TNRC6C: variants seen among roughly 807,000 people sequenced by gnomAD.
TNRC6C encodes trinucleotide repeat containing adaptor 6C, also known as trinucleotide repeat-containing gene 6C protein.
TNRC6C carries 20 observed loss-of-function variants against 153.7 expected under a neutral mutation model. That is an observed-to-expected ratio of 0.13 (90% CI 0.09 to 0.19). The LOEUF is 0.19. TNRC6C is among the 10% of genes least tolerant of loss of function. The pLI, the probability that TNRC6C is intolerant of heterozygous loss-of-function variation, is 1.00. For synonymous variants in TNRC6C, 811 were observed against 841.4 expected, an observed-to-expected ratio of 0.96 and a Z score of 0.63; for missense variants, 1,987 against 2,172.0, an observed-to-expected ratio of 0.91 and a Z score of 1.69.
chr17:77,964,252 C>T (rs576615526), intron 1 of TNRC6C, among the ~76,000 whole-genome samples: 1 of 152,240 alleles, frequency 6.6e-6, no homozygotes, highest in African/African-American at 2.4e-5. Flanking sequence ...TTCTTCAGAC[C>T]ATTTTAGAAA....
At chr17:78,028,101 T>C (rs1005390139) in intron 1 of TNRC6C, among the ~76,000 whole-genome samples, 2 of 152,064 alleles carry the variant, frequency 1.3e-5, no homozygotes, top group Admixed American at 6.6e-5. Flanking sequence ...GGTTTCACCG[T>C]GTTAGTCAGG....
chr17:77,976,940 A>AC (rs1234254805), intron 1 of TNRC6C, among the ~76,000 whole-genome samples: 19 of 136,046 alleles, frequency 1.4e-4, no homozygotes, highest in African/African-American at 4.8e-4. Context: ...AGAAAAAAAA[A>AC]AAAAAAAAAA....
chr17:78,054,644 G>A (rs2072610615), intron 3 of TNRC6C, among the ~76,000 whole-genome samples: 1 of 151,598 alleles, frequency 6.6e-6, no homozygotes, highest in Non-Finnish European at 1.5e-5. Context: ...GCAGACTACT[G>A]CACACCACTG....
chr17:78,055,068 A>G (rs2144066783), intron 3 of TNRC6C, among the ~76,000 whole-genome samples: 1 of 152,344 alleles, frequency 6.6e-6, no homozygotes, highest in East Asian at 1.9e-4. Context: ...ACCACTGTAG[A>G]CTGCTGTAGA....
intron 3 of TNRC6C, among the ~76,000 whole-genome samples, chr17:78,055,531 T>C (rs142438156): frequency 2.9e-4 from 44 of 152,314 alleles, no homozygotes; most frequent in Middle Eastern, 6.8e-3. Flanking sequence ...GTGATGGGAA[T>C]TTTTCAGCTC....
chr17:78,042,272 GA>G (rs1360354133), intron 2 of TNRC6C, among the ~76,000 whole-genome samples: 1 of 152,020 alleles, frequency 6.6e-6, no homozygotes, highest in Non-Finnish European at 1.5e-5. Flanking sequence ...TTTTTTAGGG[GA>G]AAAATTATTT....
intron 13 of TNRC6C, among the ~76,000 whole-genome samples, chr17:78,090,770 G>A (rs1443393165): frequency 2.6e-5 from 4 of 152,186 alleles, no homozygotes; most frequent in Non-Finnish European, 4.4e-5. Flanking sequence ...CAGCACCCCC[G>A]CTGTCAAATA....
At chr17:77,975,836 C>T (rs2070990231) in intron 1 of TNRC6C, among the ~76,000 whole-genome samples, 2 of 152,148 alleles carry the variant, frequency 1.3e-5, no homozygotes, top group South Asian at 4.1e-4. Flanking sequence ...AGGATACCAT[C>T]TTATAGGAGA....
chr17:78,101,328 G>C (rs12103507), intron 17 of TNRC6C, among the ~76,000 whole-genome samples: 3,315 of 152,254 alleles, frequency 0.022, 121 homozygotes, highest in African/African-American at 0.075. Flanking sequence ...GACCGCTGCA[G>C]CCTGGACTTT....
At chr17:77,987,622 A>C (rs2071188457) in intron 1 of TNRC6C, among the ~76,000 whole-genome samples, 1 of 152,218 alleles carries the variant, frequency 6.6e-6, no homozygotes, top group African/African-American at 2.4e-5. Flanking sequence ...ATTATGGTCC[A>C]TCAACAAAAT....
intron 16 of TNRC6C, 67 bp downstream of exon 18, chr17:78,093,830 G>T: frequency 6.3e-7 from 1 of 1,588,608 alleles, no homozygotes; most frequent in Non-Finnish European, 8.6e-7. Flanking sequence ...GATGTCAGGG[G>T]TGACAGGTTG....
chr17:78,047,299 C>T (rs151052535), intron 2 of TNRC6C, among the ~76,000 whole-genome samples: 248 of 152,076 alleles, frequency 1.6e-3, no homozygotes, highest in African/African-American at 5.7e-3. Context: ...TGTCATAAAC[C>T]AGGGTTATAG....
chr17:78,045,058 A>G (rs1233264657), intron 2 of TNRC6C, among the ~76,000 whole-genome samples: 2 of 152,186 alleles, frequency 1.3e-5, no homozygotes, highest in Non-Finnish European at 2.9e-5. Context: ...AATGATATGA[A>G]TGGCCTCAAA....
intron 2 of TNRC6C, among the ~76,000 whole-genome samples, chr17:78,036,970 A>G (rs1004809266): frequency 3.9e-5 from 6 of 152,018 alleles, no homozygotes; most frequent in African/African-American, 1.4e-4. Context: ...TTAGTCTGAC[A>G]GTTATTTATT....
chr17:78,093,012 C>A (rs1567964084), exon 15 of TNRC6C: 1 of 1,613,876 alleles, frequency 6.2e-7, no homozygotes, highest in Non-Finnish European at 8.5e-7. Context: ...ACGATTTAAT[C>A]CAGAACAGTG....
rs145596887 is a variant in TNRC6C, at chr17:78,009,904, G to C, written c.-546+4825G>C. On this transcript the variant is annotated intron_variant, in intron 1 of 19. Coordinates refer to ENST00000301624, the Ensembl canonical transcript of TNRC6C. ...ATCTGAATTTATACTTTTTTTGAGA[G>C]AGAGGGTCTAACTCTGTTGCCCAGG... Among the ~76,000 whole-genome samples the C allele has an allele frequency of 4.3e-3, 651 of 150,534 alleles. 3 individuals are homozygous for C. The highest frequency in any genetic ancestry group is 6.1e-3 in the Non-Finnish European group (414 of 67,638).
chr17:78,049,729 C>G lies in TNRC6C; in HGVS notation c.667C>G (p.Gln223Glu). 1 of 1,594,322 alleles carries G rather than the reference C, an allele frequency of 6.3e-7. No homozygotes were observed. The highest frequency in any genetic ancestry group is 1.1e-5 in the South Asian group (1 of 87,574). ...GGGGGCCATCATCCCGCCCCACCTGCAAGGCCTTCCTGGTGCTAATGGATC... is the reference window on the plus strand; with the variant it reads ...GGGGGCCATCATCCCGCCCCACCTGGAAGGCCTTCCTGGTGCTAATGGATC... The change falls in exon 3 of 20, where the codon CAA (glutamine) becomes GAA (glutamate). Residue 223 changes from glutamine (Q) to glutamate (E), a missense_variant. Coordinates refer to ENST00000301624, the Ensembl canonical transcript of TNRC6C. The surrounding 1 kb of genome is among the most constrained non-coding windows in gnomAD (Gnocchi z 4.1).
chr17:77,973,749 GCAA>G lies in TNRC6C; in HGVS notation c.-38+14483_-38+14485del, dbSNP rs200057583. On this transcript the variant is annotated intron_variant, in intron 1 of 22. Coordinates refer to the TNRC6C transcript ENST00000636222. ...AAACTCATTCACTATAACATCAAAA[GCAA>G]CTAAATCCTGGGGAATAAATTTACA... Among the ~76,000 whole-genome samples the G allele has an allele frequency of 7.3e-3, 1,113 of 152,212 alleles. 25 individuals are homozygous for G. The highest frequency in any genetic ancestry group is 0.019 in the Admixed American group (292 of 15,290).
chr17:78,071,058 T>A (rs1240854354), intron 5 of TNRC6C, 27 bp from the exon 8 acceptor site: 1 of 1,578,758 alleles, frequency 6.3e-7, no homozygotes, highest in Admixed American at 1.8e-5. Context: ...GCTCATGGAC[T>A]TCCCCCTTTC....
Sources: gnomAD v4.1 joint callset for allele counts (sites outside exome capture counted in the v4.1 genomes callset) on GRCh38, gnomAD v4.1.1 for gene constraint, Gnocchi (gnomAD v3.1) non-coding constraint, MANE v1.5 for transcripts, NCBI Gene and HGNC (gene_info 2026-07-23, HGNC 2026-07-21) for gene names.